MAP4: variants seen among roughly 807,000 people sequenced by gnomAD.
The protein encoded by MAP4 is microtubule-associated protein 4.
Under a neutral mutation model 170.2 loss-of-function variants are expected in MAP4, and 76 were observed. The observed-to-expected ratio is 0.45, with a 90% CI of 0.37 to 0.54. The LOEUF is 0.54. Among genes scored for constraint, MAP4 ranks in the 20% least tolerant of loss-of-function variants. The pLI, the probability that MAP4 is intolerant of heterozygous loss-of-function variation, is 0.00. For synonymous variants in MAP4, 909 were observed against 994.5 expected (o/e 0.91, Z 1.62); for missense variants, 2,506 against 2,748.0 (o/e 0.91, Z 1.97).
chr3:47,871,971 A>G lies in MAP4; in HGVS notation c.5887T>C (p.Ser1963Pro). 1.2e-6 allele frequency: 2 copies of G among 1,613,974 alleles called. No homozygotes were observed. The highest frequency in any genetic ancestry group is 1.7e-6 in the Non-Finnish European group (2 of 1,179,916). ...AKTTTAAAVASTGPSSRSPST... is the reference protein window; with the variant it reads ...AKTTTAAAVAPTGPSSRSPST... The stretch of plus-strand genomic sequence containing the variant: ...GGGCTCCTACTGCTTGGGCCAGTTG[A>G]GGCAACAGCAGCAGCTGTTGTGGTT... Residue 1963 changes from serine to proline, a missense_variant, in exon 13 of 21, where the codon TCA becomes CCA. By Grantham distance (74) the Ser-to-Pro change is moderately conservative. This residue lies in a region of MAP4 where 487 missense variants were observed against 511.6 expected (regional missense o/e 0.95). Coordinates refer to ENST00000683076, the MANE Select transcript of MAP4 (RefSeq NM_001385682.1).
chr3:48,074,557 A>C (rs2154566544), intron 1 of MAP4, among the ~76,000 whole-genome samples: 1 of 125,416 alleles, frequency 8.0e-6, no homozygotes, highest in East Asian at 2.3e-4. Flanking sequence ...TCTGTTGCCC[A>C]TGCTGGATTG....
rs530962314 is a variant in MAP4, at chr3:47,985,629, A to C, written c.224-7696T>G. ...GCCAAAAATGTGGAACTTGAATCTA[A>C]TTATGAGGAAATGCCAGGCAAACCC... On this transcript the variant is annotated intron_variant, in intron 2 of 20. Coordinates refer to ENST00000683076, the MANE Select transcript of MAP4 (RefSeq NM_001385682.1). Among the ~76,000 whole-genome samples the C allele has an allele frequency of 2.0e-5, 3 of 152,316 alleles. 1 individual carries two copies. In the South Asian group the frequency reaches 6.2e-4, roughly 32 times the overall value.
At chr3:47,978,468 C>T (rs1192519423) in intron 2 of MAP4, among the ~76,000 whole-genome samples, 1 of 152,114 alleles carries the variant, frequency 6.6e-6, no homozygotes, top group African/African-American at 2.4e-5. Context: ...CAGGCACCCG[C>T]CCCCATGACC....
chr3:47,855,209 C>G lies in MAP4; in HGVS notation c.6696+39G>C. 6.9e-7 allele frequency: 1 copy of G among 1,446,630 alleles called. No individual in the cohort carries two copies. The highest frequency in any genetic ancestry group is 9.7e-7 in the Non-Finnish European group (1 of 1,027,796). The allele number at this position is 1,446,630 out of a possible 1,614,324, so 89.6% of individuals were successfully genotyped here. A position where few individuals can be genotyped will look rare whatever the true frequency, so the allele number is the denominator to read the frequency against. On this transcript the variant is annotated intron_variant, in intron 19 of 20. Coordinates refer to ENST00000683076, the MANE Select transcript of MAP4 (RefSeq NM_001385682.1). The surrounding 1 kb of genome is among the most constrained non-coding windows in gnomAD (Gnocchi z 5.1). ...CTGACCCTAACTGCATAGTTCCCAC[C>G]CCTCCCCAGCTGTGTCTCCCCAGTG... is the stretch of plus-strand genomic sequence containing the variant.
At chr3:47,957,986 G>A (rs1298856223) in intron 3 of MAP4, among the ~76,000 whole-genome samples, 1 of 152,162 alleles carries the variant, frequency 6.6e-6, no homozygotes, top group African/African-American at 2.4e-5. Context: ...TAGTCCCTAA[G>A]CAGGAAATAT....
intron 1 of MAP4, among the ~76,000 whole-genome samples, chr3:48,066,013 T>C (rs1040904636): frequency 1.3e-5 from 2 of 151,870 alleles, no homozygotes; most frequent in South Asian, 4.1e-4. Context: ...TAAAATGCAA[T>C]ACTAATAAAC....
At chr3:47,905,463 G>A (rs1559990860) in intron 9 of MAP4, among the ~76,000 whole-genome samples, 3 of 150,948 alleles carry the variant, frequency 2.0e-5, no homozygotes, top group Admixed American at 1.3e-4. Flanking sequence ...GTGGGAGATC[G>A]ATTATAAACA....
At chr3:47,999,368 A>G (rs2100097955) in intron 1 of MAP4, among the ~76,000 whole-genome samples, 1 of 151,836 alleles carries the variant, frequency 6.6e-6, no homozygotes, top group Non-Finnish European at 1.5e-5. Flanking sequence ...CAACCAAACT[A>G]CTTAGCCCTG....
At chr3:47,870,276 T>C (rs1426517386) in intron 15 of MAP4, among the ~76,000 whole-genome samples, 1 of 152,082 alleles carries the variant, frequency 6.6e-6, no homozygotes, top group African/African-American at 2.4e-5. Context: ...TCTTTCTCCA[T>C]CACTATATGC....
chr3:47,876,406 C>T (rs1398909468), intron 11 of MAP4, among the ~76,000 whole-genome samples: 2 of 152,158 alleles, frequency 1.3e-5, no homozygotes, highest in African/African-American at 4.8e-5. Flanking sequence ...GCTGGGATTA[C>T]AGGCGTGAGC....
chr3:48,028,582 G>A (rs906192491), intron 1 of MAP4, among the ~76,000 whole-genome samples: 1 of 151,942 alleles, frequency 6.6e-6, no homozygotes, highest in African/African-American at 2.4e-5. Context: ...AGACCAGCCT[G>A]GCCAAGATGG....
chr3:48,012,201 G>C (rs1052123304), intron 1 of MAP4, among the ~76,000 whole-genome samples: 1 of 152,088 alleles, frequency 6.6e-6, no homozygotes, highest in African/African-American at 2.4e-5. Context: ...AGAGCCCCAG[G>C]CTCAGCCATA....
intron 3 of MAP4, among the ~76,000 whole-genome samples, chr3:47,959,925 C>T (rs1458003084): frequency 6.6e-6 from 1 of 151,642 alleles, no homozygotes; most frequent in Non-Finnish European, 1.5e-5. Context: ...TGCAGTGGTG[C>T]AATCTTGGTT....
chr3:47,998,807 C>T lies in MAP4; in HGVS notation c.54G>A (p.Glu18=). The change falls in exon 2 of 21, where the codon GAG becomes GAA. Residue 18 remains glutamate, a synonymous_variant. Transcript: ENST00000683076. ...CAATGAAGTCCCGCTTTATCTCTCC[C>T]TCAATGTCTGGAGATGGTTCTGTTA... ...DALTEPSPDI[E]GEIKRDFIAT... is the part of the protein sequence containing the mutation. 6.2e-7 allele frequency: 1 copy of T among 1,614,218 alleles called. No individual in the cohort carries two copies. Among genetic ancestry groups the T allele is most frequent in the Non-Finnish European group, 8.5e-7 (1 of 1,180,034 alleles).
chr3:48,015,933 C>A (rs1181114578), intron 1 of MAP4, among the ~76,000 whole-genome samples: 1 of 152,042 alleles, frequency 6.6e-6, no homozygotes, highest in Non-Finnish European at 1.5e-5. Flanking sequence ...AAACTACAAC[C>A]CCCCTGAAGA....
chr3:48,036,738 T>C (rs4074350), intron 1 of MAP4, among the ~76,000 whole-genome samples: 47 of 152,316 alleles, frequency 3.1e-4, no homozygotes, highest in African/African-American at 1.1e-3. Context: ...TCAGTATGCA[T>C]ATGAAAACCA....
intron 3 of MAP4, among the ~76,000 whole-genome samples, chr3:47,948,355 T>G (rs2154077993): frequency 6.6e-6 from 1 of 150,548 alleles, no homozygotes; most frequent in South Asian, 2.1e-4. Flanking sequence ...TGCCTCAACA[T>G]ATGGAGTAGC....
At chr3:48,068,477 TCC>T (rs2100139388) in intron 1 of MAP4, among the ~76,000 whole-genome samples, 1 of 152,094 alleles carries the variant, frequency 6.6e-6, no homozygotes, top group Admixed American at 6.6e-5. Flanking sequence ...CAAGTGATTC[TCC>T]CGCCTCTGCT....
intron 3 of MAP4, among the ~76,000 whole-genome samples, chr3:47,938,392 T>C (rs536068213): frequency 6.6e-6 from 1 of 152,114 alleles, no homozygotes; most frequent in African/African-American, 2.4e-5. Flanking sequence ...AAAAGGGAAT[T>C]GTTAATTGAG....
Sources: allele counts gnomAD v4.1 joint callset (sites outside exome capture counted in the v4.1 genomes callset), GRCh38; gene constraint gnomAD v4.1.1; regional missense constraint gnomAD v4.1.1; non-coding constraint Gnocchi (gnomAD v3.1); transcripts MANE v1.5; gene names NCBI Gene and HGNC (gene_info 2026-07-23, HGNC 2026-07-21).